Variants in WDR45B observed in about 807,000 individuals in gnomAD.
WDR45B encodes WD repeat domain phosphoinositide-interacting protein 3.
WDR45B carries 20 observed loss-of-function variants against 44.6 expected under a neutral mutation model. The observed-to-expected ratio is 0.45, with a 90% CI of 0.32 to 0.65. WDR45B has a LOEUF of 0.65. Ranked by LOEUF, WDR45B falls within the 30% of genes least tolerant of loss-of-function variation. The pLI is 0.05. For missense variants in WDR45B, 323 were observed against 430.2 expected, an observed-to-expected ratio of 0.75 and a Z score of 2.20; for synonymous variants, 169 against 164.9, an observed-to-expected ratio of 1.02 and a Z score of -0.19.
chr17:82,634,104 T>C (rs1223313982), intron 2 of WDR45B, among the ~76,000 whole-genome samples: 1 of 127,378 alleles, frequency 7.9e-6, no homozygotes, highest in Non-Finnish European at 1.6e-5. Flanking sequence ...TGAGCCGAGA[T>C]TGTGACACTG....
chr17:82,620,790 A>G (rs1050545545), intron 6 of WDR45B, among the ~76,000 whole-genome samples: 1 of 152,242 alleles, frequency 6.6e-6, no homozygotes, highest in African/African-American at 2.4e-5. Flanking sequence ...CAGATTTAAA[A>G]TTATTTTAAA....
At chr17:82,625,329 A>G (rs2045680569) in intron 5 of WDR45B, 60 bp downstream of exon 5, 14 of 1,510,096 alleles carry the variant, frequency 9.3e-6, no homozygotes, top group Non-Finnish European at 1.3e-5. Flanking sequence ...GGGAGTGCCC[A>G]GCACAGGCAT....
At chr17:82,635,098 T>C (rs183224132) in intron 2 of WDR45B, among the ~76,000 whole-genome samples, 4 of 152,138 alleles carry the variant, frequency 2.6e-5, no homozygotes, top group Admixed American at 2.6e-4. Context: ...AATGTGAATA[T>C]ATTCAACATT....
At chr17:82,618,748 A>C (rs9903102) in intron 7 of WDR45B, among the ~76,000 whole-genome samples, 29,806 of 152,048 alleles carry the variant, frequency 0.2, 3,419 homozygotes, top group African/African-American at 0.31. Context: ...TAAAAACCCC[A>C]AAAAAACAAC....
At chr17:82,633,536 T>A (rs2045795984) in intron 2 of WDR45B, among the ~76,000 whole-genome samples, 1 of 152,162 alleles carries the variant, frequency 6.6e-6, no homozygotes, top group African/African-American at 2.4e-5. Flanking sequence ...TTTTTTTTCT[T>A]TTTTTGAGAC....
chr17:82,617,553 C>T, intron 7 of WDR45B, 156 bp from the exon 8 acceptor site: 1 of 733,494 alleles, frequency 1.4e-6, no homozygotes, highest in South Asian at 1.5e-5. Flanking sequence ...AGCCGACAAC[C>T]ATCCCCACAG....
chr17:82,621,531 T>G (rs541970217), intron 6 of WDR45B, 78 bp downstream of exon 6: 12 of 1,597,784 alleles, frequency 7.5e-6, no homozygotes, highest in Non-Finnish European at 1.0e-5. Context: ...CTTTTGAGTC[T>G]TGATACAGGG....
chr17:82,621,491 A>C, intron 6 of WDR45B, 118 bp downstream of exon 6: 8 of 1,353,760 alleles, frequency 5.9e-6, no homozygotes, highest in Non-Finnish European at 8.3e-6. Context: ...CAGGCCCCTG[A>C]GGGGCTCCAG....
intron 2 of WDR45B, 30 bp downstream of exon 2, chr17:82,643,919 G>C: frequency 1.2e-6 from 2 of 1,609,256 alleles, no homozygotes; most frequent in Non-Finnish European, 1.7e-6. Context: ...GGAAAGGGGA[G>C]AAACCAGAAA....
At chr17:82,626,921 G>C in intron 4 of WDR45B, 1 of 498,954 alleles carries the variant, frequency 2.0e-6, no homozygotes. Flanking sequence ...TGTCGGAATG[G>C]GACATAACTC....
At chr17:82,641,518 T>C (rs1288423025) in intron 2 of WDR45B, among the ~76,000 whole-genome samples, 1 of 152,154 alleles carries the variant, frequency 6.6e-6, no homozygotes, top group African/African-American at 2.4e-5. Context: ...CTCCACCTGA[T>C]TGTGGGTCTG....
chr17:82,642,035 T>G (rs1251012755), intron 2 of WDR45B, among the ~76,000 whole-genome samples: 2 of 151,972 alleles, frequency 1.3e-5, no homozygotes, highest in Non-Finnish European at 2.9e-5. Flanking sequence ...GCTGAACACA[T>G]GGAAGGTTCT....
chr17:82,641,671 C>T (rs374854232), intron 2 of WDR45B, among the ~76,000 whole-genome samples: 13 of 152,198 alleles, frequency 8.5e-5, no homozygotes, highest in South Asian at 4.1e-4. Context: ...ACAAGGTGGG[C>T]GGATCACGAG....
chr17:82,621,882 C>T lies in WDR45B; in HGVS notation c.428-83G>A, dbSNP rs980703442. On this transcript the variant is annotated intron_variant, in intron 5 of 9. Transcript: ENST00000392325. ...TCCACTTTCTGCCCCCAAAGTTCTC[C>T]GAAAAAATAGATGTATATCATTTAT... The T allele has an allele frequency of 2.0e-5, 28 of 1,412,624 alleles. No individual in the cohort carries two copies. In the Admixed American group the frequency reaches 2.4e-4, roughly 12 times the overall value. The allele number at this position is 1,412,624 out of a possible 1,614,324, so 87.5% of individuals were successfully genotyped here.
intron 7 of WDR45B, among the ~76,000 whole-genome samples, chr17:82,618,014 C>T (rs2045562942): frequency 6.6e-6 from 1 of 152,074 alleles, no homozygotes; most frequent in Non-Finnish European, 1.5e-5. Flanking sequence ...CTGCAACCTC[C>T]ACCTCCCAGG....
chr17:82,627,982 GTTC>G (rs1478491026), intron 3 of WDR45B, among the ~76,000 whole-genome samples: 2 of 152,196 alleles, frequency 1.3e-5, no homozygotes, highest in African/African-American at 2.4e-5. Flanking sequence ...GTCCTGGGTT[GTTC>G]TTCCTCTTTT....
intron 2 of WDR45B, among the ~76,000 whole-genome samples, chr17:82,634,336 A>C (rs2143333702): frequency 6.7e-6 from 1 of 150,174 alleles, no homozygotes; most frequent in East Asian, 2.0e-4. Flanking sequence ...AAAAATACAA[A>C]AATTAGCCAG....
chr17:82,618,339 A>G (rs1019993295), intron 7 of WDR45B, among the ~76,000 whole-genome samples: 3 of 152,224 alleles, frequency 2.0e-5, no homozygotes, highest in Non-Finnish European at 4.4e-5. Flanking sequence ...CTACCCAAGT[A>G]GGGCTTCAGC....
intron 5 of WDR45B, among the ~76,000 whole-genome samples, chr17:82,624,024 C>G (rs892875607): frequency 1.2e-4 from 19 of 152,100 alleles, no homozygotes; most frequent in African/African-American, 3.9e-4. Flanking sequence ...CAGACACAAC[C>G]ACAACATGGT....
Sources: allele counts gnomAD v4.1 joint callset (sites outside exome capture counted in the v4.1 genomes callset), GRCh38; gene constraint gnomAD v4.1.1; transcripts MANE v1.5; gene names NCBI Gene and HGNC (gene_info 2026-07-23, HGNC 2026-07-21).